Variants in DISC1 observed in about 807,000 individuals in gnomAD.
The protein encoded by DISC1 is DISC1 scaffold protein.
In DISC1, 57 loss-of-function variants were observed where a neutral mutation model predicts 84.5. That is an observed-to-expected ratio of 0.67 (90% CI 0.55 to 0.84). DISC1 has a LOEUF of 0.84. DISC1 is among the 40% of genes least tolerant of loss of function. DISC1 has a pLI of 0.00. For synonymous variants in DISC1, 411 were observed against 415.2 expected (o/e 0.99, Z 0.12); for missense variants, 1,000 against 1,057.8 (o/e 0.95, Z 0.76).
At chr1:231,654,999 C>T (rs1446669488) in intron 1 of DISC1, among the ~76,000 whole-genome samples, 1 of 152,200 alleles carries the variant, frequency 6.6e-6, no homozygotes, top group East Asian at 1.9e-4. Context: ...ACTCCTCAGA[C>T]TTTAGAAGCA....
chr1:231,998,415 C>T (rs1473684776), intron 10 of DISC1, among the ~76,000 whole-genome samples: 3 of 151,816 alleles, frequency 2.0e-5, no homozygotes, highest in Non-Finnish European at 4.4e-5. Flanking sequence ...TAGTAGAGTG[C>T]AAAACAGGAT....
At chr1:231,916,372 T>G (rs2089620078) in intron 9 of DISC1, among the ~76,000 whole-genome samples, 1 of 152,136 alleles carries the variant, frequency 6.6e-6, no homozygotes, top group South Asian at 2.1e-4. Flanking sequence ...CAATCTAAAT[T>G]GTGTTCAGAA....
chr1:231,884,002 C>T (rs1042975649), intron 9 of DISC1, among the ~76,000 whole-genome samples: 4 of 152,014 alleles, frequency 2.6e-5, no homozygotes, highest in African/African-American at 4.8e-5. Context: ...CTGAGGGTCC[C>T]TTGCCCAGGG....
intron 1 of DISC1, among the ~76,000 whole-genome samples, chr1:231,689,016 T>C (rs981748315): frequency 6.6e-6 from 1 of 152,214 alleles, no homozygotes; most frequent in Non-Finnish European, 1.5e-5. Context: ...ATTCTGATTC[T>C]TTGGAAACAA....
At chr1:231,867,858 A>G (rs1169917254) in intron 9 of DISC1, among the ~76,000 whole-genome samples, 2 of 152,274 alleles carry the variant, frequency 1.3e-5, no homozygotes, top group African/African-American at 4.8e-5. Context: ...TAATCCACCA[A>G]GCCTGAATCA....
chr1:231,722,550 T>C (rs2069941900), intron 3 of DISC1: 3 of 1,614,174 alleles, frequency 1.9e-6, no homozygotes, highest in Non-Finnish European at 2.5e-6. Context: ...TGGAACCAAT[T>C]GCTTTGGATC....
At chr1:231,879,730 A>G (rs2086157213) in intron 9 of DISC1, among the ~76,000 whole-genome samples, 1 of 152,106 alleles carries the variant, frequency 6.6e-6, no homozygotes, top group African/African-American at 2.4e-5. Flanking sequence ...TGTTCAAGAC[A>G]TAGGCAGGAA....
chr1:231,802,487 T>C (rs2079352653), intron 8 of DISC1, among the ~76,000 whole-genome samples: 2 of 152,182 alleles, frequency 1.3e-5, no homozygotes, highest in African/African-American at 2.4e-5. Flanking sequence ...TTACCCAGTC[T>C]CAGGTGGTAT....
rs2088965103 is a variant in DISC1, at chr1:231,909,189, C to A, written c.1982-49639C>A. ...CTTTCTCCTGCCTGATTGCCCTGGC[C>A]AGAAATTCCAACACTATGCTGAATA... On this transcript the variant is annotated intron_variant, in intron 9 of 12. Coordinates refer to ENST00000439617, the MANE Select transcript of DISC1 (RefSeq NM_018662.3). Among the ~76,000 whole-genome samples the A allele has an allele frequency of 2.6e-5, 3 of 116,782 alleles. No individual in the cohort carries two copies. In the South Asian group the frequency reaches 7.7e-4, roughly 30 times the overall value. The allele number at this position is 116,782 out of a possible 152,430, so 76.6% of individuals were successfully genotyped here.
chr1:231,837,476 T>G (rs969663430), intron 9 of DISC1, among the ~76,000 whole-genome samples: 3 of 152,228 alleles, frequency 2.0e-5, no homozygotes, highest in Admixed American at 1.3e-4. Context: ...GTCTTTTCAT[T>G]GATTAAATTA....
At position 232,004,992 on chromosome 1, in the gene DISC1, T is replaced by TTTCCTTCCTTC. The variant is rs1558828156; in HGVS notation, c.2043-3793_2043-3792insTTCCTTCCTTC. Among the ~76,000 whole-genome samples, 258 of 95,594 alleles carry TTTCCTTCCTTC rather than the reference T, an allele frequency of 2.7e-3. 10 individuals carry two copies. Among genetic ancestry groups the TTTCCTTCCTTC allele is most frequent in the African/African-American group, 0.011 (233 of 21,240 alleles). The allele number at this position is 95,594 out of a possible 152,430, so 62.7% of individuals were successfully genotyped here. On this transcript the variant is annotated intron_variant, in intron 10 of 12. Transcript: ENST00000439617. Reference sequence around the variant, plus strand: ...TCTTCCCTTCCTTCCATCCTTCTTCTCTTCTTTCCTTCCTTCCTTCCCTCT... The same window carrying TTTCCTTCCTTC: ...TCTTCCCTTCCTTCCATCCTTCTTCTTTCCTTCCTTCCTTCTTTCCTTCCTTCCTTCCCTCT...
At chr1:231,635,554 A>G (rs148919567) in intron 1 of DISC1, among the ~76,000 whole-genome samples, 10 of 152,298 alleles carry the variant, frequency 6.6e-5, no homozygotes, top group African/African-American at 2.4e-4. Context: ...TCAAGGTTTC[A>G]GTTCTGGTTT....
At chr1:231,982,066 T>A (rs770764095) in intron 10 of DISC1, among the ~76,000 whole-genome samples, 3 of 152,136 alleles carry the variant, frequency 2.0e-5, no homozygotes, top group Non-Finnish European at 2.9e-5. Flanking sequence ...CCTATTATGA[T>A]AATAAAGTCA....
At chr1:231,950,354 T>C (rs954013185) in intron 9 of DISC1, among the ~76,000 whole-genome samples, 3 of 152,072 alleles carry the variant, frequency 2.0e-5, no homozygotes, top group Admixed American at 6.6e-5. Flanking sequence ...TTCTAAGCAA[T>C]TTAAAAAATA....
intron 6 of DISC1, among the ~76,000 whole-genome samples, chr1:231,785,283 T>TAA (rs1286764861): frequency 4.7e-5 from 7 of 150,528 alleles, no homozygotes; most frequent in South Asian, 2.1e-4. Flanking sequence ...ATTTATTTAT[T>TAA]TATTTATTTA....
chr1:232,019,410 G>T (rs955814488), intron 11 of DISC1, among the ~76,000 whole-genome samples: 2 of 152,194 alleles, frequency 1.3e-5, no homozygotes, highest in African/African-American at 2.4e-5. Context: ...CAAATTACTG[G>T]AGAGTCTTCA....
At chr1:232,005,594 A>G (rs1459284354) in intron 10 of DISC1, among the ~76,000 whole-genome samples, 1 of 152,220 alleles carries the variant, frequency 6.6e-6, no homozygotes, top group East Asian at 1.9e-4. Context: ...TTGTCAATAC[A>G]TGATATTCTT....
intron 9 of DISC1, among the ~76,000 whole-genome samples, chr1:231,832,894 G>C (rs1300182371): frequency 7.2e-6 from 1 of 139,770 alleles, no homozygotes; most frequent in East Asian, 2.3e-4. Context: ...AGGCCATGCT[G>C]TAACAGGTGA....
rs938214919 is a variant in DISC1, at chr1:231,652,023, T to C, written c.67+25089T>C. On this transcript the variant is annotated intron_variant, in intron 1 of 12. Coordinates refer to ENST00000439617, the MANE Select transcript of DISC1 (RefSeq NM_018662.3). The stretch of plus-strand genomic sequence containing the variant: ...GCTTGCCTTGGCTAGGAAAGGGAAA[T>C]CCCCTGACCCCTTGTGCTTCCTGGG... Among the ~76,000 whole-genome samples, 3 of 152,208 alleles carry C rather than the reference T, an allele frequency of 2.0e-5. No individual in the cohort carries two copies. The East Asian group carries it at 5.8e-4, about 29-fold the overall frequency.
Sources: allele counts gnomAD v4.1 joint callset (sites outside exome capture counted in the v4.1 genomes callset), GRCh38; gene constraint gnomAD v4.1.1; transcripts MANE v1.5; gene names NCBI Gene and HGNC (gene_info 2026-07-23, HGNC 2026-07-21).